Variants in NBL1 observed in about 807,000 individuals in gnomAD.
NBL1 encodes the protein NBL1, DAN family BMP antagonist.
In NBL1, 9 loss-of-function variants were observed where a neutral mutation model predicts 16.0. The ratio of observed to expected loss-of-function variants is 0.56; its 90% CI spans 0.34 to 0.98. The LOEUF (loss-of-function observed/expected upper bound fraction) is 0.98, where lower values mean the gene tolerates loss of function less well. Among genes scored for constraint, NBL1 ranks in the 50% least tolerant of loss-of-function variants. The probability of loss-of-function intolerance (pLI) is 0.02; values close to 1 mark genes in which losing one functional copy is unlikely to be tolerated. For synonymous variants in NBL1, 86 were observed against 100.7 expected (o/e 0.85, Z 0.87); for missense variants, 196 against 243.1 (o/e 0.81, Z 1.29).
chr1:19,646,673 G>A (rs1341458734), intron 1 of NBL1, among the ~76,000 whole-genome samples: 4 of 152,250 alleles, frequency 2.6e-5, no homozygotes, highest in African/African-American at 7.2e-5. Context: ...GCACCCAGCA[G>A]CATGCTCAGC....
intron 1 of NBL1, among the ~76,000 whole-genome samples, chr1:19,653,711 G>A (rs769582309): frequency 3.3e-5 from 5 of 152,216 alleles, no homozygotes; most frequent in East Asian, 1.9e-4. Flanking sequence ...CGGCTGTGCC[G>A]TCCTCCGAGG....
intron 1 of NBL1, among the ~76,000 whole-genome samples, chr1:19,647,371 A>C (rs1339483577): frequency 6.6e-6 from 1 of 152,206 alleles, no homozygotes; most frequent in African/African-American, 2.4e-5. Flanking sequence ...GGCTGATGTG[A>C]GCTATGATTG....
At chr1:19,650,638 G>A (rs996110213) in intron 1 of NBL1, among the ~76,000 whole-genome samples, 1 of 152,182 alleles carries the variant, frequency 6.6e-6, no homozygotes, top group Non-Finnish European at 1.5e-5. Context: ...TCGCTTTTGG[G>A]GAGTCCCATG....
intron 1 of NBL1, among the ~76,000 whole-genome samples, chr1:19,649,213 T>C (rs1282730627): frequency 6.6e-6 from 1 of 152,034 alleles, no homozygotes; most frequent in Non-Finnish European, 1.5e-5. Flanking sequence ...TTTCTTGGCC[T>C]CTCTGTGCCT....
chr1:19,655,568 G>A, intron 3 of NBL1, 133 bp downstream of exon 3: 5 of 1,032,506 alleles, frequency 4.8e-6, no homozygotes, highest in Non-Finnish European at 7.0e-6. Flanking sequence ...GCAGGGTGAA[G>A]GGCTTGTGCT....
Position 19,657,245 on chromosome 1 carries a change from A to G in NBL1, c.*116A>G, listed in dbSNP as rs1391251910. The G allele has an allele frequency of 3.5e-6, 2 of 577,410 alleles. No individual in the cohort carries two copies. The highest frequency in any genetic ancestry group is 6.2e-6 in the Non-Finnish European group (2 of 324,814). The allele number at this position is 577,410 out of a possible 1,614,324, so 35.8% of individuals were successfully genotyped here. ...TTTGGCACTGGATGGACTTGGCTTCAGACTCGGACTTGAATGCTGCCCGGT... is the reference window on the plus strand; with the variant it reads ...TTTGGCACTGGATGGACTTGGCTTCGGACTCGGACTTGAATGCTGCCCGGT... On this transcript the variant is annotated 3_prime_UTR_variant, in exon 4 of 4. Transcript: ENST00000375136.
At chr1:19,656,248 T>C (rs2095055728) in intron 3 of NBL1, among the ~76,000 whole-genome samples, 1 of 151,146 alleles carries the variant, frequency 6.6e-6, no homozygotes, top group African/African-American at 2.4e-5. Flanking sequence ...GGTACTTAGA[T>C]GGGTGATGAT....
At chr1:19,646,169 G>A in intron 1 of NBL1, 1 of 1,080,812 alleles carries the variant, frequency 9.3e-7, no homozygotes, top group Non-Finnish European at 1.3e-6. Flanking sequence ...TCTCCCCAGT[G>A]CTGAAGGAAG....
At chr1:19,645,101 A>G (rs2094970676) in intron 1 of NBL1, among the ~76,000 whole-genome samples, 1 of 151,934 alleles carries the variant, frequency 6.6e-6, no homozygotes, top group Non-Finnish European at 1.5e-5. Flanking sequence ...CCTCCGATCC[A>G]GACAATCCCC....
At chr1:19,650,894 G>A (rs1020132369) in intron 1 of NBL1, among the ~76,000 whole-genome samples, 4 of 152,202 alleles carry the variant, frequency 2.6e-5, no homozygotes, top group African/African-American at 9.7e-5. Context: ...GAGGGTGGGC[G>A]GAGGCAGGTG....
At chr1:19,653,221 G>T (rs2854101) in intron 1 of NBL1, among the ~76,000 whole-genome samples, 1 of 146,552 alleles carries the variant, frequency 6.8e-6, no homozygotes, top group East Asian at 2.0e-4. Flanking sequence ...AGGAGGCGGA[G>T]CTTGCAGTGA....
intron 1 of NBL1, among the ~76,000 whole-genome samples, chr1:19,651,986 T>C (rs2095028432): frequency 6.6e-6 from 1 of 152,182 alleles, no homozygotes; most frequent in Non-Finnish European, 1.5e-5. Context: ...CAAGTGGTCC[T>C]CCCGCTTTGG....
chr1:19,653,838 A>C (rs2095041146), intron 1 of NBL1, among the ~76,000 whole-genome samples: 1 of 152,204 alleles, frequency 6.6e-6, no homozygotes, highest in Non-Finnish European at 1.5e-5. Context: ...CTGAAAGCGG[A>C]ATCCTTTGAC....
chr1:19,652,000 C>A (rs1411790588), intron 1 of NBL1, among the ~76,000 whole-genome samples: 1 of 152,190 alleles, frequency 6.6e-6, no homozygotes, highest in East Asian at 1.9e-4. Context: ...GCTTTGGCCT[C>A]CCAAAGTGCT....
intron 1 of NBL1, chr1:19,646,016 C>A: frequency 6.5e-7 from 1 of 1,550,314 alleles, no homozygotes; most frequent in Non-Finnish European, 8.7e-7. Context: ...TTTTCGTTTG[C>A]GGGCAGGAGG....
intron 1 of NBL1, chr1:19,645,922 A>T: frequency 6.5e-7 from 1 of 1,549,970 alleles, no homozygotes; most frequent in Non-Finnish European, 8.7e-7. Flanking sequence ...GTTGTTGGTG[A>T]GGTCTGCAGT....
chr1:19,648,808 G>C (rs2095002274), intron 1 of NBL1, among the ~76,000 whole-genome samples: 1 of 152,142 alleles, frequency 6.6e-6, no homozygotes, highest in African/African-American at 2.4e-5. Context: ...ACTCACCTGT[G>C]CCAAGGACAC....
intron 1 of NBL1, among the ~76,000 whole-genome samples, chr1:19,654,016 C>T (rs2095042494): frequency 6.6e-6 from 1 of 152,158 alleles, no homozygotes; most frequent in Non-Finnish European, 1.5e-5. Context: ...GTGTAGAGCC[C>T]TTGTGGATTC....
At chr1:19,645,239 C>G (rs2094971668) in intron 1 of NBL1, 1 of 479,520 alleles carries the variant, frequency 2.1e-6, no homozygotes, top group Admixed American at 6.4e-5. Flanking sequence ...GGAATTGAGT[C>G]TGGGGCAGGG....
Sources: allele counts gnomAD v4.1 joint callset (sites outside exome capture counted in the v4.1 genomes callset), GRCh38; gene constraint gnomAD v4.1.1; transcripts MANE v1.5; gene names NCBI Gene and HGNC (gene_info 2026-07-23, HGNC 2026-07-21).